The following RFX3 variants were observed in gnomAD, a reference collection of about 807,000 sequenced individuals.
RFX3 encodes transcription factor RFX3.
In RFX3, 14 loss-of-function variants were observed where a neutral mutation model predicts 98.6. That is an observed-to-expected ratio of 0.14 (90% CI 0.09 to 0.22). The LOEUF is 0.22. Ranked by LOEUF, RFX3 falls within the 10% of genes least tolerant of loss-of-function variation. The pLI is 1.00. For synonymous variants in RFX3, 383 were observed against 328.4 expected, an observed-to-expected ratio of 1.17 and a Z score of -1.80; for missense variants, 639 against 926.9, an observed-to-expected ratio of 0.69 and a Z score of 4.03.
At chr9:3,492,462 G>A (rs1283609545) in intron 1 of RFX3, among the ~76,000 whole-genome samples, 1 of 152,202 alleles carries the variant, frequency 6.6e-6, no homozygotes, top group East Asian at 1.9e-4. Context: ...GCACAGCCCA[G>A]GGCCATGCTC....
chr9:3,473,477 T>C (rs2133249206), intron 1 of RFX3, among the ~76,000 whole-genome samples: 1 of 152,338 alleles, frequency 6.6e-6, no homozygotes, highest in African/African-American at 2.4e-5. Flanking sequence ...GTTATAAAGA[T>C]AAATGGATCC....
At chr9:3,313,044 C>T (rs1301051154) in intron 4 of RFX3, among the ~76,000 whole-genome samples, 1 of 152,216 alleles carries the variant, frequency 6.6e-6, no homozygotes, top group Non-Finnish European at 1.5e-5. Flanking sequence ...AATTTAAGAT[C>T]TAAGAACGGA....
intron 1 of RFX3, among the ~76,000 whole-genome samples, chr9:3,468,371 G>A (rs1848492336): frequency 6.6e-6 from 1 of 152,100 alleles, no homozygotes; most frequent in African/African-American, 2.4e-5. Context: ...AAAACACAAA[G>A]ACACTCAAGT....
chr9:3,247,532 A>T, intron 15 of RFX3: 1 of 949,008 alleles, frequency 1.1e-6, no homozygotes, highest in Non-Finnish European at 1.3e-6. Context: ...ATTACATGTA[A>T]AAAACATAGA....
At chr9:3,489,413 T>C in intron 1 of RFX3, 1 of 985,370 alleles carries the variant, frequency 1.0e-6, no homozygotes, top group Non-Finnish European at 1.2e-6. Flanking sequence ...GTACTGTTTG[T>C]AGTGGAAGCA....
intron 1 of RFX3, among the ~76,000 whole-genome samples, chr9:3,499,347 A>C (rs570540973): frequency 2.0e-4 from 31 of 152,158 alleles, no homozygotes; most frequent in African/African-American, 7.5e-4. Context: ...ATTCCCCCAA[A>C]AAAATTATTT....
chr9:3,501,393 C>G (rs1045266496), intron 1 of RFX3, among the ~76,000 whole-genome samples: 1 of 151,528 alleles, frequency 6.6e-6, no homozygotes, highest in Non-Finnish European at 1.5e-5. Flanking sequence ...CATGTATTAC[C>G]AAGTATAAAA....
At chr9:3,390,216 T>C (rs1228382791) in intron 2 of RFX3, among the ~76,000 whole-genome samples, 2 of 152,042 alleles carry the variant, frequency 1.3e-5, no homozygotes, top group East Asian at 1.9e-4. Context: ...TGGTAGGTGA[T>C]TGAATCATGT....
chr9:3,415,508 C>G (rs1842907500), intron 1 of RFX3, among the ~76,000 whole-genome samples: 1 of 151,936 alleles, frequency 6.6e-6, no homozygotes. Flanking sequence ...TAAAGTATTC[C>G]ATTACTGAAG....
chr9:3,344,916 A>C (rs1052905416), intron 3 of RFX3: 2 of 691,956 alleles, frequency 2.9e-6, no homozygotes, highest in Admixed American at 2.3e-5. Context: ...AAACATTCAC[A>C]GTGTGTCTAA....
chr9:3,495,018 T>C (rs1219264710), intron 1 of RFX3, among the ~76,000 whole-genome samples: 2 of 152,052 alleles, frequency 1.3e-5, no homozygotes, highest in Non-Finnish European at 2.9e-5. Flanking sequence ...AGTAATTCTA[T>C]CAATATGAAG....
At chr9:3,234,557 C>G (rs574954176) in intron 15 of RFX3, among the ~76,000 whole-genome samples, 11 of 152,110 alleles carry the variant, frequency 7.2e-5, no homozygotes, top group Non-Finnish European at 1.0e-4. Flanking sequence ...AGGAGAATCA[C>G]CGTCCAAGGT....
intron 1 of RFX3, among the ~76,000 whole-genome samples, chr9:3,409,580 G>A (rs1842282688): frequency 6.6e-6 from 1 of 152,186 alleles, no homozygotes; most frequent in Admixed American, 6.5e-5. Context: ...TACAAACACA[G>A]TTCAGGCAGT....
At chr9:3,389,376 T>C (rs1337845291) in intron 2 of RFX3, among the ~76,000 whole-genome samples, 1 of 152,120 alleles carries the variant, frequency 6.6e-6, no homozygotes, top group Non-Finnish European at 1.5e-5. Context: ...AGAGACCCAT[T>C]GGTCCAAAAA....
In RFX3 at chr9:3,219,796, GA is replaced by G. The variant is rs1392613449; in HGVS notation, c.*5245del. ...AACACATGAGTAATTTGCATGGTCT[GA>G]CTTCCTAAACTGCCTAAAAAGCAAC... is the stretch of plus-strand genomic sequence containing the variant. On this transcript the variant is annotated 3_prime_UTR_variant, in exon 17 of 17. Transcript: ENST00000617270. 4.6e-5 allele frequency: 7 copies of G among 152,174 alleles called. No individual in the cohort carries two copies. Among genetic ancestry groups the G allele is most frequent in the African/African-American group, 1.7e-4 (7 of 41,450 alleles). 9.4% of individuals were successfully genotyped at this position (152,174 alleles called of 1,614,324 possible).
At chr9:3,459,252 T>C (rs1331649932) in intron 1 of RFX3, among the ~76,000 whole-genome samples, 1 of 152,204 alleles carries the variant, frequency 6.6e-6, no homozygotes, top group East Asian at 1.9e-4. Context: ...CATCAAGCTC[T>C]AGTGCCAGGT....
chr9:3,320,588 G>A (rs1038402464), intron 4 of RFX3, among the ~76,000 whole-genome samples: 2 of 150,316 alleles, frequency 1.3e-5, no homozygotes, highest in Admixed American at 6.7e-5. Flanking sequence ...AAAACTTTAG[G>A]ATATCTTATA....
At chr9:3,488,720 A>G (rs778568176) in intron 1 of RFX3, 54 of 937,868 alleles carry the variant, frequency 5.8e-5, no homozygotes, top group Non-Finnish European at 6.7e-5. Context: ...CCTTATATCC[A>G]TAAAATTGTA....
chr9:3,369,781 A>C (rs1261860281), intron 2 of RFX3, among the ~76,000 whole-genome samples: 1 of 152,172 alleles, frequency 6.6e-6, no homozygotes, highest in Non-Finnish European at 1.5e-5. Context: ...TTTGGGGCTC[A>C]ATTAATGACG....
Sources: allele counts gnomAD v4.1 joint callset (sites outside exome capture counted in the v4.1 genomes callset), GRCh38; gene constraint gnomAD v4.1.1; transcripts MANE v1.5; gene names NCBI Gene and HGNC (gene_info 2026-07-23, HGNC 2026-07-21).